PKHD1: variants seen among roughly 807,000 people sequenced by gnomAD.
PKHD1 encodes PKHD1 ciliary IPT domain containing fibrocystin/polyductin, also known as fibrocystin.
A neutral mutation model predicts 412.0 loss-of-function variants in PKHD1; 291 were observed. The ratio of observed to expected loss-of-function variants is 0.71; its 90% confidence interval spans 0.64 to 0.78. The LOEUF is 0.78. Among genes scored for constraint, PKHD1 ranks in the 30% least tolerant of loss-of-function variants. PKHD1 has a pLI of 0.00. For missense variants in PKHD1, 4,825 were observed against 4,950.7 expected (o/e 0.97, Z 0.76); for synonymous variants, 1,777 against 1,821.5 (o/e 0.98, Z 0.62).
Position 52,001,447 on chromosome 6 carries a change from T to G in PKHD1, c.5751+8862A>C, listed in dbSNP as rs1426096884. 4.0e-5 allele frequency among the ~76,000 whole-genome samples: 6 copies of G among 151,268 alleles called. No individual in the cohort carries two copies. The East Asian group carries it at 9.7e-4, about 24-fold the overall frequency. On this transcript the variant is annotated intron_variant, in intron 35 of 66. Transcript: ENST00000371117. ...GAATTTCTTCCTTTTTTTTTTTTTT[T>G]GAGATGGAGTCTCACTTTGTCACCC...
Position 51,754,803 on chromosome 6 carries a change from C to A in PKHD1, c.8778G>T (p.Arg2926=), listed in dbSNP as rs754005242. 6.2e-7 allele frequency: 1 copy of A among 1,613,500 alleles called. No individual in the cohort carries two copies. The highest frequency in any genetic ancestry group is 1.1e-5 in the South Asian group (1 of 91,058). ...CCTTACCAATATGCCGGTGTTTGAG[C>A]CGTTCATAGATCCTCACATGGTGGC... ...VKGHHVRIYE[R]LKHRHIGSVH... The change falls in exon 56 of 67, where the codon CGG becomes CGT. Residue 2926 remains arginine (R), a synonymous_variant. Transcript: ENST00000371117.
chr6:51,950,220 A>AAAAAAAATATATATATATAT lies in PKHD1; in HGVS notation c.5908+9649_5908+9650insATATATATATATATTTTTTT. On this transcript the variant is annotated intron_variant, in intron 36 of 66. Coordinates refer to ENST00000371117, the MANE Select transcript of PKHD1 (RefSeq NM_138694.4). ...AATGGGCAATATAGAGAAAAAAAAA[A>AAAAAAAATATATATATATAT]ATATATATATATATATATATGAAAT... Among the ~76,000 whole-genome samples the AAAAAAAATATATATATATAT allele has an allele frequency of 8.3e-3, 818 of 98,038 alleles. 7 individuals are homozygous for AAAAAAAATATATATATATAT. The highest frequency in any genetic ancestry group is 0.023 in the East Asian group (42 of 1,844). The allele number at this position is 98,038 out of a possible 152,430, so 64.3% of individuals were successfully genotyped here.
At position 51,659,200 on chromosome 6, in the gene PKHD1, C is replaced by T. The variant is rs78518523; in HGVS notation, c.10926G>A (p.Met3642Ile). The T allele has an allele frequency of 1.3e-3, 2,134 of 1,613,746 alleles. 1 individual carries two copies. The highest frequency in any genetic ancestry group is 1.7e-3 in the Non-Finnish European group (2,019 of 1,179,850). Residue 3642 changes from methionine to isoleucine, a missense_variant, in exon 61 of 67, where the codon ATG (methionine) becomes ATA (isoleucine). Met to Ile is a conservative substitution (Grantham distance 10). Coordinates refer to ENST00000371117, the MANE Select transcript of PKHD1 (RefSeq NM_138694.4). ...RRVGQRRPLM[M>I]EMNSHRASPP... ...GTGAAGCCCTATGTGAGTTCATTTC[C>T]ATCATGAGAGGCCTACGTTGACCAA... is the stretch of plus-strand genomic sequence containing the variant.
In PKHD1 at chr6:52,046,081, C is replaced by T; in HGVS notation, c.2515G>A (p.Asp839Asn). 6.2e-7 allele frequency: 1 copy of T among 1,613,680 alleles called. No individual in the cohort carries two copies. Among genetic ancestry groups the T allele is most frequent in the Non-Finnish European group, 8.5e-7 (1 of 1,179,664 alleles). Residue 839 changes from aspartate (D) to asparagine (N), a missense_variant, in exon 24 of 67, where the codon GAT becomes AAT. Asp to Asn is a conservative substitution (Grantham distance 23, BLOSUM62 1). Coordinates refer to ENST00000371117, the MANE Select transcript of PKHD1 (RefSeq NM_138694.4). ...LNASDFTVKE[D>N]LYTCYEHVWT... is the part of the protein sequence containing the mutation. ...ACGTGTTCGTAGCAAGTGTATAGAT[C>T]CTCCTTCACAGTGAAGTCACTGGCA...
chr6:51,940,439 C>A (rs1788310019), intron 36 of PKHD1, among the ~76,000 whole-genome samples: 1 of 151,690 alleles, frequency 6.6e-6, no homozygotes, highest in South Asian at 2.1e-4. Flanking sequence ...GAACCTCCTC[C>A]CCCAGGAGCT....
chr6:51,739,324 G>A (rs1248945737), intron 60 of PKHD1, among the ~76,000 whole-genome samples: 1 of 151,814 alleles, frequency 6.6e-6, no homozygotes, highest in African/African-American at 2.4e-5. Flanking sequence ...CCCGCCTCCC[G>A]GGTTCAAGCG....
chr6:51,773,497 C>T (rs751283020), intron 54 of PKHD1, among the ~76,000 whole-genome samples: 1 of 151,534 alleles, frequency 6.6e-6, no homozygotes, highest in South Asian at 2.1e-4. Flanking sequence ...TGATTGTGTA[C>T]TCTCAGCACA....
Position 51,777,679 on chromosome 6 carries a change from G to GAAAA in PKHD1, c.8441-1762_8441-1759dup, listed in dbSNP as rs59379021. ...ACGGAGGGTAGTTTAGAGTCTTTGG[G>GAAAA]AAAAAAAAAAAAAAAAAAAAAAAAA... On this transcript the variant is annotated intron_variant, in intron 53 of 66. Transcript: ENST00000371117. 1.3e-3 allele frequency among the ~76,000 whole-genome samples: 154 copies of GAAAA among 118,724 alleles called. 2 individuals are homozygous for GAAAA. Among genetic ancestry groups the GAAAA allele is most frequent in the Non-Finnish European group, 1.8e-3 (106 of 57,446 alleles). The allele number at this position is 118,724 out of a possible 152,430, so 77.9% of individuals were successfully genotyped here.
chr6:51,945,437 G>A (rs184772445), intron 36 of PKHD1, among the ~76,000 whole-genome samples: 52 of 152,236 alleles, frequency 3.4e-4, no homozygotes, highest in African/African-American at 1.1e-3. Flanking sequence ...GGTTTCATCC[G>A]CAAAGTGGAA....
intron 41 of PKHD1, among the ~76,000 whole-genome samples, chr6:51,905,249 C>A (rs1335329494): frequency 6.6e-6 from 1 of 152,056 alleles, no homozygotes; most frequent in Non-Finnish European, 1.5e-5. Flanking sequence ...TTTCTTAATT[C>A]ATTCATTTCT....
At chr6:51,914,309 G>A (rs1405098562) in intron 37 of PKHD1, among the ~76,000 whole-genome samples, 2 of 152,022 alleles carry the variant, frequency 1.3e-5, no homozygotes, top group East Asian at 3.9e-4. Flanking sequence ...TAACAAAAAA[G>A]TTACATCTTT....
intron 60 of PKHD1, among the ~76,000 whole-genome samples, chr6:51,661,219 T>C (rs1387854713): frequency 6.6e-6 from 1 of 151,986 alleles, no homozygotes; most frequent in Non-Finnish European, 1.5e-5. Context: ...TAGCTCTGCC[T>C]CAGGAACCAG....
Position 51,746,844 on chromosome 6 carries a change from A to G in PKHD1, c.9875T>C (p.Leu3292Pro). The G allele has an allele frequency of 6.2e-7, 1 of 1,610,832 alleles. No individual in the cohort carries two copies. Among genetic ancestry groups the G allele is most frequent in the Non-Finnish European group, 8.5e-7 (1 of 1,177,390 alleles). Residue 3292 changes from leucine to proline, a missense_variant, in exon 59 of 67, where the codon CTG becomes CCG. Physicochemically the swap from Leu to Pro is moderately conservative, Grantham distance 98. Transcript: ENST00000371117. Reference protein sequence around the residue: ...SFVKSCYSDDLDVCILPNAEN... With the variant: ...SFVKSCYSDDPDVCILPNAEN... The stretch of plus-strand genomic sequence containing the variant: ...TGCATTTGGTAGAATGCAGACATCC[A>G]GGTCATCGCTATAGCAACTCTTCAC...
chr6:51,655,228 T>C (rs1469525712), intron 61 of PKHD1, among the ~76,000 whole-genome samples: 2 of 152,086 alleles, frequency 1.3e-5, no homozygotes, highest in Non-Finnish European at 2.9e-5. Flanking sequence ...AGAACATACT[T>C]CCTTGCTGAT....
Position 51,659,975 on chromosome 6 carries a change from A to C in PKHD1, c.10157-6T>G. 2.6e-6 allele frequency: 4 copies of C among 1,567,092 alleles called. No individual in the cohort carries two copies. The stretch of plus-strand genomic sequence containing the variant: ...CTGTTCTTCTCTAAATGTACCTATA[A>C]AAGAAAAGAAGCAAAACAAGTGATA... On this transcript the variant is annotated splice_region_variant and splice_polypyrimidine_tract_variant and intron_variant, in intron 60 of 66. Transcript: ENST00000371117.
intron 35 of PKHD1, among the ~76,000 whole-genome samples, chr6:51,995,967 G>C (rs1475031598): frequency 6.6e-6 from 1 of 151,854 alleles, no homozygotes. Context: ...GACCCTCTGA[G>C]TGATCTGTAA....
chr6:51,891,417 T>A (rs1394381991), intron 43 of PKHD1, among the ~76,000 whole-genome samples: 1 of 152,076 alleles, frequency 6.6e-6, no homozygotes, highest in East Asian at 1.9e-4. Context: ...GTAGCTGGGA[T>A]TACAGGCATG....
At chr6:51,675,562 C>T (rs572912394) in intron 60 of PKHD1, among the ~76,000 whole-genome samples, 9 of 152,162 alleles carry the variant, frequency 5.9e-5, no homozygotes, top group South Asian at 2.1e-4. Context: ...ATGAACTCAC[C>T]GTGAAAGGCC....
At position 51,805,989 on chromosome 6, in the gene PKHD1, T is replaced by C. The variant is rs185038965; in HGVS notation, c.8303-14616A>G. 1.0e-3 allele frequency among the ~76,000 whole-genome samples: 159 copies of C among 151,698 alleles called. 2 individuals carry two copies. In the East Asian group the frequency reaches 0.026, roughly 25 times the overall value. On this transcript the variant is annotated intron_variant, in intron 52 of 66. Coordinates refer to ENST00000371117, the MANE Select transcript of PKHD1 (RefSeq NM_138694.4). ...TGTATAGCAGCATGATTTATAATCCTTTGGGTATATACCCAGTAACAGGAT... is the reference window on the plus strand; with the variant it reads ...TGTATAGCAGCATGATTTATAATCCCTTGGGTATATACCCAGTAACAGGAT...
Sources: gnomAD v4.1 joint callset for allele counts (sites outside exome capture counted in the v4.1 genomes callset) on GRCh38, gnomAD v4.1.1 for gene constraint, MANE v1.5 for transcripts, NCBI Gene and HGNC (gene_info 2026-07-23, HGNC 2026-07-21) for gene names.